LITAF: variants seen among roughly 807,000 people sequenced by gnomAD.
LITAF encodes the protein lipopolysaccharide-induced tumor necrosis factor-alpha factor.
LITAF carries 9 observed loss-of-function variants against 14.5 expected under a neutral mutation model. The observed-to-expected ratio is 0.62, with a 90% CI of 0.37 to 1.08. The LOEUF is 1.08. Ranked by LOEUF, LITAF falls within the 50% of genes least tolerant of loss-of-function variation. LITAF has a pLI of 0.01. For missense variants in LITAF, 206 were observed against 213.4 expected (o/e 0.97, Z 0.22); for synonymous variants, 98 against 88.2 (o/e 1.11, Z -0.62).
chr16:11,550,002 G>A (rs189673023), intron 3 of LITAF, among the ~76,000 whole-genome samples: 1 of 152,302 alleles, frequency 6.6e-6, no homozygotes, highest in Admixed American at 6.5e-5. Context: ...GGAGTGATGA[G>A]GCCATAAGCC....
intron 1 of LITAF, among the ~76,000 whole-genome samples, chr16:11,559,263 A>C (rs1291820914): frequency 1.3e-5 from 2 of 152,122 alleles, no homozygotes; most frequent in Non-Finnish European, 2.9e-5. Context: ...GTCTAAAAGA[A>C]AAAAAGAAAT....
chr16:11,566,396 T>C (rs2064451362), intron 1 of LITAF, among the ~76,000 whole-genome samples: 2 of 152,166 alleles, frequency 1.3e-5, no homozygotes, highest in African/African-American at 2.4e-5. Context: ...GTCACTCTGG[T>C]ACTTCAACAG....
At chr16:11,569,772 C>T (rs1390962686) in intron 1 of LITAF, among the ~76,000 whole-genome samples, 3 of 152,202 alleles carry the variant, frequency 2.0e-5, no homozygotes, top group Admixed American at 2.0e-4. Context: ...GTGGCTCACG[C>T]CTGTAATCCC....
At chr16:11,611,386 G>T (rs1188904321) in intron 3 of LITAF, among the ~76,000 whole-genome samples, 1 of 152,120 alleles carries the variant, frequency 6.6e-6, no homozygotes, top group Non-Finnish European at 1.5e-5. Flanking sequence ...AAATGTCAGA[G>T]AAACAGTGAA....
At chr16:11,608,722 G>T (rs2141874887) in intron 3 of LITAF, among the ~76,000 whole-genome samples, 1 of 152,316 alleles carries the variant, frequency 6.6e-6, no homozygotes, top group Non-Finnish European at 1.5e-5. Context: ...CAGCACTTTG[G>T]GAGGCCGAGG....
At chr16:11,565,650 G>A (rs12935729) in intron 1 of LITAF, among the ~76,000 whole-genome samples, 95,453 of 151,604 alleles carry the variant, frequency 0.63, 30,536 homozygotes, top group African/African-American at 0.7. Flanking sequence ...TCCCTGCTCC[G>A]GGTTTGTGGG....
chr16:11,612,104 T>C (rs142435220), intron 3 of LITAF, among the ~76,000 whole-genome samples: 2 of 152,300 alleles, frequency 1.3e-5, no homozygotes, highest in Non-Finnish European at 2.9e-5. Context: ...GAGGGTTATG[T>C]GGGTGCCCAC....
At chr16:11,574,412 T>C (rs970637516) in intron 1 of LITAF, among the ~76,000 whole-genome samples, 1 of 152,200 alleles carries the variant, frequency 6.6e-6, no homozygotes, top group South Asian at 2.1e-4. Context: ...GGTCGGTGTT[T>C]GTCGGGAAGG....
intron 3 of LITAF, among the ~76,000 whole-genome samples, chr16:11,606,435 C>A (rs2064955513): frequency 6.6e-6 from 1 of 152,042 alleles, no homozygotes; most frequent in Admixed American, 6.6e-5. Flanking sequence ...TCCCAAAGTG[C>A]TGGGATTATA....
intron 1 of LITAF, among the ~76,000 whole-genome samples, chr16:11,580,185 C>T (rs2064710546): frequency 6.6e-6 from 1 of 151,990 alleles, no homozygotes; most frequent in Non-Finnish European, 1.5e-5. Flanking sequence ...ACTTCCGGTC[C>T]CAAGCATTTC....
intron 2 of LITAF, among the ~76,000 whole-genome samples, chr16:11,554,966 G>A (rs972732890): frequency 6.6e-6 from 1 of 152,060 alleles, no homozygotes; most frequent in African/African-American, 2.4e-5. Flanking sequence ...ACTGAACTTA[G>A]TAATACTCAT....
chr16:11,564,910 G>A (rs2064427206), intron 1 of LITAF, among the ~76,000 whole-genome samples: 1 of 152,090 alleles, frequency 6.6e-6, no homozygotes, highest in South Asian at 2.1e-4. Context: ...GAGGAAATGG[G>A]TATGGGGTTC....
intron 3 of LITAF, among the ~76,000 whole-genome samples, chr16:11,617,111 T>C (rs2065023853): frequency 6.6e-6 from 1 of 151,864 alleles, no homozygotes; most frequent in African/African-American, 2.4e-5. Flanking sequence ...TCCCAGCTAC[T>C]TGAGAGGCTG....
At chr16:11,572,431 C>T (rs1057033385) in intron 1 of LITAF, among the ~76,000 whole-genome samples, 2 of 152,176 alleles carry the variant, frequency 1.3e-5, no homozygotes, top group African/African-American at 2.4e-5. Context: ...GGCTGAATAT[C>T]GTCAGCGAGA....
chr16:11,588,553 G>GAGAA (rs534415752), upstream of LITAF, among the ~76,000 whole-genome samples: 75 of 139,708 alleles, frequency 5.4e-4, no homozygotes, highest in Middle Eastern at 3.5e-3. Flanking sequence ...AAGAAAGAAA[G>GAGAA]AGAAAGAAAG....
At chr16:11,562,371 A>G (rs192351397) in intron 1 of LITAF, among the ~76,000 whole-genome samples, 141 of 151,956 alleles carry the variant, frequency 9.3e-4, no homozygotes, top group African/African-American at 3.3e-3. Context: ...CACTTTTTGA[A>G]CAAAGGGCCT....
rs142400970 is a variant in LITAF at position 11,622,908 on chromosome 16, G to A, written c.85+10625C>T. Among the ~76,000 whole-genome samples, 560 of 150,930 alleles carry A rather than the reference G, an allele frequency of 3.7e-3. 2 individuals are homozygous for A. Among genetic ancestry groups the A allele is most frequent in the African/African-American group, 0.013 (536 of 41,054 alleles). Reference sequence around the variant, plus strand: ...TCGTATATCATTAGTTCATTTAATCGTCATCATGACCCAATTAGTTGTATA... The same window carrying A: ...TCGTATATCATTAGTTCATTTAATCATCATCATGACCCAATTAGTTGTATA... On this transcript the variant is annotated intron_variant, in intron 3 of 3. Transcript: ENST00000574848.
chr16:11,553,705 G>A lies in LITAF; in HGVS notation c.221-16C>T, dbSNP rs778890222. ...TGCACGGTAACTGATGAAAGGGAGA[G>A]GGACAAACACAGGTTGCTCAGGAAA... On this transcript the variant is annotated splice_polypyrimidine_tract_variant and intron_variant, in intron 2 of 3. Transcript: ENST00000622633. The surrounding 1 kb of genome is among the most constrained non-coding windows in gnomAD (Gnocchi z 7.7). 108 of 1,613,844 alleles carry A rather than the reference G, an allele frequency of 6.7e-5. No individual in the cohort carries two copies. Among genetic ancestry groups the A allele is most frequent in the Middle Eastern group, 1.6e-4 (1 of 6,084 alleles).
chr16:11,597,795 G>A (rs772761880), intron 1 of LITAF, among the ~76,000 whole-genome samples: 8 of 152,176 alleles, frequency 5.3e-5, no homozygotes, highest in Non-Finnish European at 1.2e-4. Flanking sequence ...CCCTCTGCCT[G>A]TTTTCCCCGC....
Sources: gnomAD v4.1 joint callset for allele counts (sites outside exome capture counted in the v4.1 genomes callset) on GRCh38, gnomAD v4.1.1 for gene constraint, Gnocchi (gnomAD v3.1) non-coding constraint, MANE v1.5 for transcripts, NCBI Gene and HGNC (gene_info 2026-07-23, HGNC 2026-07-21) for gene names.